Variants in SLC22A15 observed in about 807,000 individuals in gnomAD.
SLC22A15 encodes the protein solute carrier family 22 member 15, also known as flipt 1.
SLC22A15 carries 45 observed loss-of-function variants against 62.7 expected under a neutral mutation model. The observed-to-expected ratio is 0.72, with a 90% CI of 0.56 to 0.92. The LOEUF (loss-of-function observed/expected upper bound fraction) is 0.92, where lower values mean the gene tolerates loss of function less well. Ranked by LOEUF, SLC22A15 falls within the 40% of genes least tolerant of loss-of-function variation. The probability of loss-of-function intolerance (pLI) is 0.00; values close to 1 mark genes in which losing one functional copy is unlikely to be tolerated. For missense variants in SLC22A15, 622 were observed against 665.6 expected (o/e 0.93, Z 0.72); for synonymous variants, 264 against 267.0 (o/e 0.99, Z 0.11).
At chr1:116,042,543 G>T (rs1657815912) in intron 8 of SLC22A15, among the ~76,000 whole-genome samples, 1 of 152,132 alleles carries the variant, frequency 6.6e-6, no homozygotes, top group South Asian at 2.1e-4. Context: ...AGTCTTAGAA[G>T]GAGGGGATAA....
At chr1:116,044,569 G>A (rs1353555857) in intron 8 of SLC22A15, among the ~76,000 whole-genome samples, 1 of 152,018 alleles carries the variant, frequency 6.6e-6, no homozygotes, top group Non-Finnish European at 1.5e-5. Flanking sequence ...GAAATTAAAG[G>A]GATTTAAATT....
At chr1:116,000,939 C>A (rs2488449) in intron 2 of SLC22A15, among the ~76,000 whole-genome samples, 141,696 of 152,204 alleles carry the variant, frequency 0.93, 66,034 homozygotes, top group Middle Eastern at 0.99. Context: ...GCCGACCTTC[C>A]TGTAATTTCT....
chr1:116,032,914 T>C (rs1263871175), intron 6 of SLC22A15: 1 of 152,378 alleles, frequency 6.6e-6, no homozygotes, highest in East Asian at 1.9e-4. Context: ...TTCACTATTT[T>C]TATTTTTTCC....
intron 1 of SLC22A15, among the ~76,000 whole-genome samples, chr1:115,982,093 C>G (rs1654637394): frequency 6.6e-6 from 1 of 152,256 alleles, no homozygotes; most frequent in Non-Finnish European, 1.5e-5. Flanking sequence ...CAGTGTTGAC[C>G]CTAGGTTTCA....
chr1:116,005,702 G>T (rs1392225290), intron 2 of SLC22A15, among the ~76,000 whole-genome samples: 1 of 152,088 alleles, frequency 6.6e-6, no homozygotes, highest in African/African-American at 2.4e-5. Context: ...CCACTCCTCA[G>T]CCAGCATCAG....
At chr1:116,000,999 A>G (rs927304267) in intron 2 of SLC22A15, among the ~76,000 whole-genome samples, 1 of 151,726 alleles carries the variant, frequency 6.6e-6, no homozygotes, top group Non-Finnish European at 1.5e-5. Flanking sequence ...TCTCTTTAGC[A>G]TTTCTTGTAG....
intron 2 of SLC22A15, among the ~76,000 whole-genome samples, chr1:116,018,399 C>T (rs1047182199): frequency 2.6e-5 from 4 of 152,104 alleles, no homozygotes; most frequent in Non-Finnish European, 5.9e-5. Context: ...GAGTCTCGCT[C>T]TGTCTCCCAG....
At chr1:116,032,664 G>A in intron 6 of SLC22A15, 1 of 978,094 alleles carries the variant, frequency 1.0e-6, no homozygotes, top group Non-Finnish European at 1.2e-6. Flanking sequence ...ACAGCACTAG[G>A]AATATCACAG....
chr1:116,066,843 C>A, intron 11 of SLC22A15, 135 bp downstream of exon 11: 1 of 1,011,140 alleles, frequency 9.9e-7, no homozygotes. Context: ...AGCTGATTTT[C>A]AGAGAAATAA....
At position 116,067,216 on chromosome 1, in the gene SLC22A15, G is replaced by A; in HGVS notation, c.*108G>A. The A allele has an allele frequency of 1.2e-6, 1 of 809,792 alleles. No homozygotes were observed. Among genetic ancestry groups the A allele is most frequent in the Non-Finnish European group, 2.0e-6 (1 of 488,866 alleles). The allele number at this position is 809,792 out of a possible 1,614,324, so 50.2% of individuals were successfully genotyped here. A position where few individuals can be genotyped will look rare whatever the true frequency, so the allele number is the denominator to read the frequency against. ...AGTTGTAAAAATAGAGGCTTGGCTT[G>A]AATGTACATAGATGGTACCTGGCAT... On this transcript the variant is annotated 3_prime_UTR_variant, in exon 12 of 12. Transcript: ENST00000369503.
chr1:116,028,653 C>T (rs999587208), intron 5 of SLC22A15, among the ~76,000 whole-genome samples: 1 of 150,010 alleles, frequency 6.7e-6, no homozygotes, highest in African/African-American at 2.5e-5. Flanking sequence ...GAGAAAAGAA[C>T]TCATGAGATT....
At chr1:116,028,749 G>A (rs185433298) in intron 5 of SLC22A15, among the ~76,000 whole-genome samples, 179 of 152,144 alleles carry the variant, frequency 1.2e-3, no homozygotes, top group African/African-American at 2.0e-3. Context: ...CCCATCCTAT[G>A]TTCAGGCACA....
intron 10 of SLC22A15, among the ~76,000 whole-genome samples, chr1:116,066,020 T>A (rs1658488123): frequency 6.6e-6 from 1 of 152,070 alleles, no homozygotes; most frequent in Admixed American, 6.6e-5. Flanking sequence ...TTTAAAAGAG[T>A]TTTTACACCT....
chr1:116,063,007 C>A, intron 9 of SLC22A15, 125 bp downstream of exon 9: 1 of 1,282,290 alleles, frequency 7.8e-7, no homozygotes, highest in Non-Finnish European at 1.1e-6. Flanking sequence ...AGTAATTCAG[C>A]AAGCAGTTTA....
chr1:116,018,474 C>G (rs185219056), intron 2 of SLC22A15, among the ~76,000 whole-genome samples: 2 of 152,172 alleles, frequency 1.3e-5, no homozygotes, highest in Non-Finnish European at 2.9e-5. Context: ...ACACCATTCT[C>G]CTGCCTCAGC....
chr1:116,029,177 C>T (rs776108260), intron 5 of SLC22A15, among the ~76,000 whole-genome samples: 10 of 152,310 alleles, frequency 6.6e-5, no homozygotes, highest in South Asian at 2.1e-4. Context: ...AATTTGTAAT[C>T]AGCAACATAA....
chr1:115,988,434 G>A (rs1186448356), intron 1 of SLC22A15, among the ~76,000 whole-genome samples: 1 of 152,196 alleles, frequency 6.6e-6, no homozygotes, highest in Non-Finnish European at 1.5e-5. Context: ...CATATTCTAT[G>A]TGTAGGTGAT....
intron 2 of SLC22A15, among the ~76,000 whole-genome samples, chr1:116,002,625 A>G (rs911368456): frequency 2.0e-5 from 3 of 150,824 alleles, no homozygotes; most frequent in African/African-American, 4.9e-5. Flanking sequence ...CCCATGGCCA[A>G]CACTGCCCCA....
intron 2 of SLC22A15, among the ~76,000 whole-genome samples, chr1:115,996,847 A>G (rs1655452435): frequency 6.6e-6 from 1 of 151,978 alleles, no homozygotes; most frequent in Non-Finnish European, 1.5e-5. Context: ...AGTCCATTTC[A>G]TCTAAGTTGT....
Sources: gnomAD v4.1 joint callset for allele counts (sites outside exome capture counted in the v4.1 genomes callset) on GRCh38, gnomAD v4.1.1 for gene constraint, MANE v1.5 for transcripts, NCBI Gene and HGNC (gene_info 2026-07-23, HGNC 2026-07-21) for gene names.